Variants in PCDH15 observed in about 807,000 individuals in gnomAD.
The protein encoded by PCDH15 is protocadherin related 15.
A neutral mutation model predicts 178.5 loss-of-function variants in PCDH15; 129 were observed. The ratio of observed to expected loss-of-function variants is 0.72; its 90% CI spans 0.63 to 0.84. The LOEUF is 0.84. Ranked by LOEUF, PCDH15 falls within the 40% of genes least tolerant of loss-of-function variation. PCDH15 has a pLI of 0.00. For missense variants in PCDH15, 2,230 were observed against 2,099.9 expected, an observed-to-expected ratio of 1.06 and a Z score of -1.21; for synonymous variants, 800 against 732.0, an observed-to-expected ratio of 1.09 and a Z score of -1.50.
At chr10:55,413,437 A>T (rs1315741282) in intron 2 of PCDH15, among the ~76,000 whole-genome samples, 3 of 151,760 alleles carry the variant, frequency 2.0e-5, no homozygotes, top group Non-Finnish European at 3.0e-5. Flanking sequence ...TCTATGTTCC[A>T]AGTGTAGACT....
chr10:55,348,032 A>G (rs187410338), intron 2 of PCDH15, among the ~76,000 whole-genome samples: 211 of 152,204 alleles, frequency 1.4e-3, no homozygotes, highest in African/African-American at 4.9e-3. Flanking sequence ...ATTATTACAA[A>G]TAATACAAAA....
At chr10:54,968,233 CTTA>C (rs1301983642) in intron 2 of PCDH15, among the ~76,000 whole-genome samples, 1 of 152,084 alleles carries the variant, frequency 6.6e-6, no homozygotes, top group African/African-American at 2.4e-5. Context: ...CCACTGTCTA[CTTA>C]TTATATCAAT....
At chr10:54,802,974 A>G (rs1952712472), upstream of PCDH15, among the ~76,000 whole-genome samples, 1 of 152,234 alleles carries the variant, frequency 6.6e-6, no homozygotes, top group Admixed American at 6.5e-5. Flanking sequence ...AAATTACAAT[A>G]TCTAGTTTTC....
chr10:54,301,391 A>G lies in PCDH15; in HGVS notation c.876+15880T>C, dbSNP rs145056715. On this transcript the variant is annotated intron_variant, in intron 8 of 37. Transcript: ENST00000644397. ...GTACAAAATGAATGAAATCTCTAAA[A>G]TATTTCTTTAGGAACCAACACAAAG... Among the ~76,000 whole-genome samples, 342 of 152,346 alleles carry G rather than the reference A, an allele frequency of 2.2e-3. 3 individuals are homozygous for G. The highest frequency in any genetic ancestry group is 7.5e-3 in the African/African-American group (314 of 41,590).
At chr10:54,227,354 G>C (rs2053567561) in intron 9 of PCDH15, among the ~76,000 whole-genome samples, 1 of 152,154 alleles carries the variant, frequency 6.6e-6, no homozygotes, top group African/African-American at 2.4e-5. Context: ...CTGAAGCTTG[G>C]GGCTTACACC....
intron 7 of PCDH15, among the ~76,000 whole-genome samples, chr10:54,320,750 T>C (rs2133734650): frequency 6.6e-6 from 1 of 152,056 alleles, no homozygotes; most frequent in Non-Finnish European, 1.5e-5. Flanking sequence ...TCCAATACAC[T>C]GCTTCTGACG....
At chr10:55,004,825 A>G (rs1839884982) in intron 2 of PCDH15, among the ~76,000 whole-genome samples, 1 of 152,186 alleles carries the variant, frequency 6.6e-6, no homozygotes, top group Admixed American at 6.5e-5. Flanking sequence ...AACATCAGTT[A>G]TAATTTCTAT....
At chr10:54,862,593 G>C (rs1422468977) in intron 3 of PCDH15, among the ~76,000 whole-genome samples, 1 of 152,130 alleles carries the variant, frequency 6.6e-6, no homozygotes, top group Non-Finnish European at 1.5e-5. Flanking sequence ...TTTTCGTCCT[G>C]GTGTCTGGTC....
rs147180826 is a variant in PCDH15, at chr10:55,053,022, G to C, written c.-80+113554C>G. 5.5e-3 allele frequency among the ~76,000 whole-genome samples: 837 copies of C among 152,234 alleles called. 6 individuals carry two copies. Among genetic ancestry groups the C allele is most frequent in the African/African-American group, 0.019 (786 of 41,550 alleles). On this transcript the variant is annotated intron_variant, in intron 2 of 5. Transcript: ENST00000458638. ...TAAATGTAAGCAACCACGTTGGTGA[G>C]AGACAAGGAACCTCATCTCTAAACG... is the stretch of plus-strand genomic sequence containing the variant.
At chr10:55,588,442 T>A (rs1160965905) in intron 2 of PCDH15, among the ~76,000 whole-genome samples, 1 of 152,004 alleles carries the variant, frequency 6.6e-6, no homozygotes, top group East Asian at 1.9e-4. Context: ...AAAACAAAAA[T>A]GAAACAATTA....
chr10:54,384,159 G>A (rs1949634173), intron 3 of PCDH15, among the ~76,000 whole-genome samples: 1 of 151,924 alleles, frequency 6.6e-6, no homozygotes, highest in Non-Finnish European at 1.5e-5. Context: ...AAATGTATGT[G>A]AAAGATTGAT....
At chr10:53,820,618 A>G (rs1379325523) in intron 32 of PCDH15, among the ~76,000 whole-genome samples, 1 of 152,068 alleles carries the variant, frequency 6.6e-6, no homozygotes, top group Admixed American at 6.6e-5. Flanking sequence ...TGCATTCAAA[A>G]TGTGAACTTC....
chr10:54,007,512 C>T (rs1293025223), intron 20 of PCDH15, among the ~76,000 whole-genome samples: 1 of 151,750 alleles, frequency 6.6e-6, no homozygotes. Flanking sequence ...AAGGAAAAAG[C>T]CTTGTTACAT....
intron 2 of PCDH15, among the ~76,000 whole-genome samples, chr10:54,562,125 T>C (rs1022343363): frequency 6.6e-6 from 1 of 151,258 alleles, no homozygotes; most frequent in South Asian, 2.1e-4. Context: ...CAAGTAGCTG[T>C]GAATACAGGC....
At chr10:54,276,895 T>C (rs2058379697) in intron 8 of PCDH15, among the ~76,000 whole-genome samples, 1 of 151,642 alleles carries the variant, frequency 6.6e-6, no homozygotes, top group South Asian at 2.1e-4. Context: ...GAAATATACA[T>C]ATGACTTTCT....
chr10:55,158,097 T>TATAC (rs1364072384), intron 2 of PCDH15, among the ~76,000 whole-genome samples: 23 of 122,684 alleles, frequency 1.9e-4, no homozygotes, highest in African/African-American at 7.1e-4. Flanking sequence ...TATATATATA[T>TATAC]ACACATATCT....
At chr10:54,730,074 T>C (rs1454229718) in intron 1 of PCDH15, among the ~76,000 whole-genome samples, 1 of 151,532 alleles carries the variant, frequency 6.6e-6, no homozygotes, top group Admixed American at 6.6e-5. Flanking sequence ...ATATAAATCA[T>C]TCTACCATGA....
chr10:54,610,537 T>G (rs961668409), intron 2 of PCDH15, among the ~76,000 whole-genome samples: 12 of 151,784 alleles, frequency 7.9e-5, no homozygotes, highest in African/African-American at 2.2e-4. Flanking sequence ...ATCTATAGAG[T>G]TAAATGTGTA....
intron 2 of PCDH15, among the ~76,000 whole-genome samples, chr10:55,111,393 C>T (rs1164668762): frequency 6.6e-6 from 1 of 152,154 alleles, no homozygotes; most frequent in African/African-American, 2.4e-5. Context: ...TCTGAATTTA[C>T]AGCCTGAGTG....
Sources: gnomAD v4.1 joint callset for allele counts (sites outside exome capture counted in the v4.1 genomes callset) on GRCh38, gnomAD v4.1.1 for gene constraint, MANE v1.5 for transcripts, NCBI Gene and HGNC (gene_info 2026-07-23, HGNC 2026-07-21) for gene names.